The following NEK1 variants were observed in gnomAD, a reference collection of about 807,000 sequenced individuals.
NEK1 encodes NIMA related kinase 1.
A neutral mutation model predicts 182.1 loss-of-function variants in NEK1; 137 were observed. The ratio of observed to expected loss-of-function variants is 0.75; its 90% CI spans 0.65 to 0.87. NEK1 has a LOEUF of 0.87. Ranked by LOEUF, NEK1 falls within the 40% of genes least tolerant of loss-of-function variation. The pLI is 0.00. For missense variants in NEK1, 1,391 were observed against 1,494.4 expected (o/e 0.93, Z 1.14); for synonymous variants, 513 against 492.2 (o/e 1.04, Z -0.56).
At chr4:169,599,349 G>C (rs1013150006) in intron 4 of NEK1, among the ~76,000 whole-genome samples, 152 bp from the exon 5 acceptor site, 3 of 152,072 alleles carry the variant, frequency 2.0e-5, no homozygotes, top group African/African-American at 7.2e-5. Flanking sequence ...AAGGTATACC[G>C]GTCACAAAGA....
At chr4:169,423,779 G>T (rs1434941039) in intron 31 of NEK1, among the ~76,000 whole-genome samples, 3 of 152,058 alleles carry the variant, frequency 2.0e-5, no homozygotes, top group Non-Finnish European at 4.4e-5. Context: ...GGAAAGGCAT[G>T]ACAATAGAAA....
intron 29 of NEK1, among the ~76,000 whole-genome samples, chr4:169,432,093 G>A (rs1023439789): frequency 1.3e-5 from 2 of 151,442 alleles, no homozygotes; most frequent in East Asian, 1.9e-4. Context: ...AAGATATAAA[G>A]AGAAAATTCA....
At chr4:169,497,113 T>G (rs1465459020) in intron 23 of NEK1, among the ~76,000 whole-genome samples, 1 of 152,228 alleles carries the variant, frequency 6.6e-6, no homozygotes, top group Non-Finnish European at 1.5e-5. Context: ...GGATTCAACT[T>G]CTTCCTGGTT....
At chr4:169,506,525 C>A (rs1426158202) in intron 23 of NEK1, 1 of 151,982 alleles carries the variant, frequency 6.6e-6, no homozygotes, top group South Asian at 2.1e-4. Context: ...GAGGCTGAGG[C>A]GGGCAGATCA....
intron 16 of NEK1, among the ~76,000 whole-genome samples, chr4:169,561,154 G>A (rs757185858): frequency 2.6e-5 from 4 of 152,160 alleles, no homozygotes; most frequent in Non-Finnish European, 4.4e-5. Context: ...AATCTTCAAG[G>A]CTACATGAAA....
chr4:169,507,135 A>G lies in NEK1; in HGVS notation c.1912-3T>C. The stretch of plus-strand genomic sequence containing the variant: ...GCAGCACGTGCATTTGCATGGGCCT[A>G]AAAATAAAAACAATTAACAAAATGA... On this transcript the variant is annotated splice_polypyrimidine_tract_variant and splice_region_variant and intron_variant, in intron 22 of 35. Transcript: ENST00000507142. 6.3e-7 allele frequency: 1 copy of G among 1,579,986 alleles called. No homozygotes were observed. The highest frequency in any genetic ancestry group is 8.6e-7 in the Non-Finnish European group (1 of 1,165,666).
intron 28 of NEK1, among the ~76,000 whole-genome samples, chr4:169,433,895 C>T (rs1737891805): frequency 6.6e-6 from 1 of 152,004 alleles, no homozygotes; most frequent in African/African-American, 2.4e-5. Context: ...TAAAAATGCT[C>T]AAAGGTAATA....
chr4:169,606,269 C>T (rs193266952), intron 2 of NEK1, among the ~76,000 whole-genome samples: 10 of 147,084 alleles, frequency 6.8e-5, no homozygotes, highest in Admixed American at 5.5e-4. Flanking sequence ...TAGATTGACC[C>T]GTACATATTT....
chr4:169,531,709 G>A (rs907791508), intron 19 of NEK1, among the ~76,000 whole-genome samples: 1 of 152,102 alleles, frequency 6.6e-6, no homozygotes, highest in Admixed American at 6.6e-5. Context: ...AGAAGTCTAA[G>A]TGTAGTAACA....
chr4:169,409,398 C>T (rs1219786353), intron 31 of NEK1, among the ~76,000 whole-genome samples: 1 of 152,000 alleles, frequency 6.6e-6, no homozygotes, highest in Non-Finnish European at 1.5e-5. Flanking sequence ...CCCGTCTTGG[C>T]CTCCCAAAGT....
chr4:169,587,728 C>G, intron 8 of NEK1, 115 bp from the exon 9 acceptor site: 2 of 546,470 alleles, frequency 3.7e-6, no homozygotes, highest in East Asian at 6.8e-5. Flanking sequence ...AAAAAATTTC[C>G]TTTAAAACTA....
rs769037266 is a variant in NEK1 at position 169,424,725 on chromosome 4, T to G, written c.3050A>C (p.Lys1017Thr). 1.2e-6 allele frequency: 2 copies of G among 1,613,828 alleles called. No individual in the cohort carries two copies. The highest frequency in any genetic ancestry group is 2.7e-5 in the African/African-American group (2 of 75,042). Residue 1017 changes from lysine (K) to threonine (T), a missense_variant, in exon 31 of 36, where the codon AAG becomes ACG. Transcript: ENST00000507142. The stretch of plus-strand genomic sequence containing the variant: ...GTTCAAGTGTTCAGAATGAACCACC[T>G]TATGGAAAAATGGTTCCGGTTGCAC... ...KSVQPEPFFHKVVHSEHLNLV... is the reference protein window; with the variant it reads ...KSVQPEPFFHTVVHSEHLNLV...
chr4:169,511,575 A>T (rs1172585408), intron 19 of NEK1, among the ~76,000 whole-genome samples: 1 of 152,182 alleles, frequency 6.6e-6, no homozygotes, highest in Non-Finnish European at 1.5e-5. Context: ...CCCTTCACCC[A>T]GCCTTTCCCA....
chr4:169,421,220 A>G (rs1308614349), intron 31 of NEK1, among the ~76,000 whole-genome samples: 1 of 152,182 alleles, frequency 6.6e-6, no homozygotes, highest in Non-Finnish European at 1.5e-5. Context: ...AGTAATTGAT[A>G]AGTAGAAAGA....
At chr4:169,579,758 C>CAGCGACAG (rs1433926018) in intron 11 of NEK1, among the ~76,000 whole-genome samples, 86 of 150,040 alleles carry the variant, frequency 5.7e-4, no homozygotes, top group Middle Eastern at 3.5e-3. Context: ...CACTACACTC[C>CAGCGACAG]AGCCCGGCGA....
At chr4:169,488,661 C>G (rs1002488855) in intron 23 of NEK1, among the ~76,000 whole-genome samples, 1 of 152,048 alleles carries the variant, frequency 6.6e-6, no homozygotes, top group African/African-American at 2.4e-5. Context: ...AGAAAATGCA[C>G]CAACATACAT....
chr4:169,424,931 ATG>A (rs1424827119), intron 30 of NEK1, 131 bp from the exon 31 acceptor site: 1 of 846,170 alleles, frequency 1.2e-6, no homozygotes, highest in Middle Eastern at 3.4e-4. Flanking sequence ...AAATCAAAAT[ATG>A]TGTGTCAGTA....
chr4:169,525,554 G>C lies in NEK1; in HGVS notation c.1665+12255C>G, dbSNP rs575137897. On this transcript the variant is annotated intron_variant, in intron 19 of 35. Coordinates refer to ENST00000507142, the MANE Select transcript of NEK1 (RefSeq NM_001199397.3). ...ACAGGATAATCTATAGCAAAGATCA[G>C]CAAATTATTATCAACAAGTCAAATC... Among the ~76,000 whole-genome samples the C allele has an allele frequency of 5.9e-5, 9 of 152,140 alleles. No homozygotes were observed. The East Asian group carries it at 1.7e-3, about 29-fold the overall frequency.
Position 169,515,676 on chromosome 4 carries a change from C to A in NEK1, c.1666-6824G>T, listed in dbSNP as rs540225244. Reference sequence around the variant, plus strand: ...CCTCCCCCGACCCCACCACAGTCCCCAGAGTGTGATATTCCCCTTCCTGTG... The same window carrying A: ...CCTCCCCCGACCCCACCACAGTCCCAAGAGTGTGATATTCCCCTTCCTGTG... On this transcript the variant is annotated intron_variant, in intron 19 of 35. Coordinates refer to ENST00000507142, the MANE Select transcript of NEK1 (RefSeq NM_001199397.3). 8.7e-3 allele frequency among the ~76,000 whole-genome samples: 869 copies of A among 99,320 alleles called. 18 individuals are homozygous for A. Among genetic ancestry groups the A allele is most frequent in the African/African-American group, 0.031 (782 of 25,402 alleles). The allele number at this position is 99,320 out of a possible 152,430, so 65.2% of individuals were successfully genotyped here. A position where few individuals can be genotyped will look rare whatever the true frequency, so the allele number is the denominator to read the frequency against.
Sources: allele counts gnomAD v4.1 joint callset (sites outside exome capture counted in the v4.1 genomes callset), GRCh38; gene constraint gnomAD v4.1.1; transcripts MANE v1.5; gene names NCBI Gene and HGNC (gene_info 2026-07-23, HGNC 2026-07-21).